STX8: variants seen among roughly 807,000 people sequenced by gnomAD.
STX8 encodes syntaxin 8, also known as syntaxin-8.
STX8 carries 23 observed loss-of-function variants against 37.5 expected under a neutral mutation model. The ratio of observed to expected loss-of-function variants is 0.61; its 90% CI spans 0.44 to 0.87. The LOEUF is 0.87. Among genes scored for constraint, STX8 ranks in the 40% least tolerant of loss-of-function variants. STX8 has a pLI of 0.00. For synonymous variants in STX8, 115 were observed against 99.1 expected (o/e 1.16, Z -0.95); for missense variants, 313 against 284.7 (o/e 1.10, Z -0.71).
chr17:9,467,694 C>T (rs1298473230), intron 6 of STX8, among the ~76,000 whole-genome samples: 2 of 152,282 alleles, frequency 1.3e-5, no homozygotes, highest in African/African-American at 2.4e-5. Flanking sequence ...CTGAAGAGGG[C>T]GTTGTGCTGC....
At chr17:9,346,987 C>T (rs756191202) in intron 7 of STX8, among the ~76,000 whole-genome samples, 7 of 151,920 alleles carry the variant, frequency 4.6e-5, no homozygotes, top group African/African-American at 1.7e-4. Context: ...ACTAGCTGGG[C>T]GTGGTAGTGG....
chr17:9,396,460 G>A (rs1167760665), intron 6 of STX8, among the ~76,000 whole-genome samples: 2 of 151,730 alleles, frequency 1.3e-5, no homozygotes, highest in East Asian at 3.9e-4. Flanking sequence ...AGGTGGGCGG[G>A]TCATCTGAGG....
intron 6 of STX8, among the ~76,000 whole-genome samples, chr17:9,457,777 T>C (rs1905223362): frequency 6.6e-6 from 1 of 152,256 alleles, no homozygotes; most frequent in South Asian, 2.1e-4. Flanking sequence ...GACACCTCTT[T>C]CTGGTCTCTT....
At chr17:9,277,506 C>T (rs1458652514) in intron 7 of STX8, among the ~76,000 whole-genome samples, 3 of 152,020 alleles carry the variant, frequency 2.0e-5, no homozygotes, top group African/African-American at 7.3e-5. Context: ...TACCAGGTAC[C>T]ATGTTAGGTT....
At chr17:9,460,687 A>C (rs1423487312) in intron 6 of STX8, among the ~76,000 whole-genome samples, 1 of 140,766 alleles carries the variant, frequency 7.1e-6, no homozygotes, top group Admixed American at 7.0e-5. Context: ...AAAAAAAAAA[A>C]ACAAAACAAA....
chr17:9,554,204 G>A (rs1906877222), intron 3 of STX8: 1 of 152,468 alleles, frequency 6.6e-6, no homozygotes, highest in Non-Finnish European at 1.5e-5. Context: ...AGGTTGCGGT[G>A]AGCCGAGATT....
chr17:9,564,014 G>T (rs1907357146), intron 2 of STX8, among the ~76,000 whole-genome samples: 1 of 152,126 alleles, frequency 6.6e-6, no homozygotes, highest in Non-Finnish European at 1.5e-5. Flanking sequence ...AATAGAAGCA[G>T]GAAAGGCTTT....
chr17:9,552,452 G>A (rs1422285816), intron 3 of STX8, among the ~76,000 whole-genome samples: 2 of 152,002 alleles, frequency 1.3e-5, no homozygotes, highest in Non-Finnish European at 2.9e-5. Context: ...CAATAGACAG[G>A]GACAGTGTTT....
chr17:9,453,009 T>C (rs1194403475), intron 6 of STX8, among the ~76,000 whole-genome samples: 1 of 152,138 alleles, frequency 6.6e-6, no homozygotes, highest in African/African-American at 2.4e-5. Context: ...TTTCATCATG[T>C]TGGCCAAGCT....
intron 6 of STX8, among the ~76,000 whole-genome samples, chr17:9,487,338 T>A (rs1053361080): frequency 6.6e-6 from 1 of 152,238 alleles, no homozygotes; most frequent in South Asian, 2.1e-4. Context: ...TTGCAGCCAA[T>A]GTGCTGCCCT....
intron 3 of STX8, among the ~76,000 whole-genome samples, chr17:9,555,860 C>T (rs1475031068): frequency 6.7e-6 from 1 of 149,952 alleles, no homozygotes; most frequent in Non-Finnish European, 1.5e-5. Context: ...CGCACCGCTG[C>T]ACTCCAGCCT....
At chr17:9,528,772 A>G (rs181567764) in intron 4 of STX8, among the ~76,000 whole-genome samples, 13 of 152,332 alleles carry the variant, frequency 8.5e-5, no homozygotes, top group African/African-American at 2.9e-4. Flanking sequence ...AAACTATTAG[A>G]AAGAGGTATT....
At chr17:9,259,067 C>A (rs1906912170) in intron 7 of STX8, among the ~76,000 whole-genome samples, 2 of 152,290 alleles carry the variant, frequency 1.3e-5, no homozygotes, top group South Asian at 4.1e-4. Flanking sequence ...CAGATCAATG[C>A]AGTCTGGTGC....
chr17:9,327,363 G>A (rs1909811297), intron 7 of STX8, among the ~76,000 whole-genome samples: 1 of 149,562 alleles, frequency 6.7e-6, no homozygotes, highest in Non-Finnish European at 1.5e-5. Context: ...AGGAGAGGGA[G>A]AGGGAGAAGG....
At chr17:9,333,543 A>T (rs373678445) in intron 7 of STX8, among the ~76,000 whole-genome samples, 1 of 151,852 alleles carries the variant, frequency 6.6e-6, no homozygotes, top group Non-Finnish European at 1.5e-5. Context: ...GCCCGCCACC[A>T]CGCCCAGCTA....
intron 4 of STX8, among the ~76,000 whole-genome samples, chr17:9,524,812 T>G (rs1905498155): frequency 8.7e-6 from 1 of 114,956 alleles, no homozygotes; most frequent in Non-Finnish European, 1.9e-5. Flanking sequence ...GGTCTCACTC[T>G]GTTTTTTTTT....
intron 7 of STX8, chr17:9,283,057 G>C (rs1306257951): frequency 6.6e-6 from 1 of 152,110 alleles, no homozygotes; most frequent in Non-Finnish European, 1.5e-5. Flanking sequence ...GGGATTCCAG[G>C]GGACAAGAGA....
chr17:9,410,997 G>T (rs1404363636), intron 6 of STX8, among the ~76,000 whole-genome samples: 1 of 152,152 alleles, frequency 6.6e-6, no homozygotes, highest in Admixed American at 6.5e-5. Flanking sequence ...CACTTAGGAA[G>T]TATTACTTGT....
chr17:9,505,952 A>C (rs889489303), intron 4 of STX8, among the ~76,000 whole-genome samples: 2 of 152,098 alleles, frequency 1.3e-5, no homozygotes, highest in African/African-American at 4.8e-5. Flanking sequence ...AAAAAAAAAA[A>C]AAAAAAAAGG....
Sources: allele counts gnomAD v4.1 joint callset (sites outside exome capture counted in the v4.1 genomes callset), GRCh38; gene constraint gnomAD v4.1.1; transcripts MANE v1.5; gene names NCBI Gene and HGNC (gene_info 2026-07-23, HGNC 2026-07-21).